Variants in WWC2 observed in about 807,000 individuals in gnomAD.
WWC2 encodes protein WWC2.
In WWC2, 101 loss-of-function variants were observed where a neutral mutation model predicts 138.5. The ratio of observed to expected loss-of-function variants is 0.73; its 90% CI spans 0.62 to 0.86. The LOEUF is 0.86. Among genes scored for constraint, WWC2 ranks in the 40% least tolerant of loss-of-function variants. The pLI, the probability that WWC2 is intolerant of heterozygous loss-of-function variation, is 0.00. For missense variants in WWC2, 1,420 were observed against 1,419.4 expected (o/e 1.00, Z -0.01); for synonymous variants, 558 against 538.4 (o/e 1.04, Z -0.50).
chr4:183,225,066 CT>C (rs113534799), intron 4 of WWC2, among the ~76,000 whole-genome samples: 11,401 of 151,288 alleles, frequency 0.075, 1,443 homozygotes, highest in African/African-American at 0.26. Flanking sequence ...ATGTTTTTGA[CT>C]TTTTTTTTGC....
At chr4:183,151,233 A>G (rs1733627768) in intron 1 of WWC2, among the ~76,000 whole-genome samples, 1 of 152,190 alleles carries the variant, frequency 6.6e-6, no homozygotes, top group South Asian at 2.1e-4. Context: ...TCGCTGTTCT[A>G]ACTGGTGTGA....
intron 1 of WWC2, among the ~76,000 whole-genome samples, chr4:183,132,644 G>A (rs937152877): frequency 2.6e-5 from 4 of 151,918 alleles, no homozygotes; most frequent in African/African-American, 4.8e-5. Context: ...TAGTAGAGAC[G>A]GGGTTTCACC....
chr4:183,130,438 C>T (rs971740263), intron 1 of WWC2, among the ~76,000 whole-genome samples: 2 of 152,138 alleles, frequency 1.3e-5, no homozygotes, highest in African/African-American at 4.8e-5. Context: ...ATCTTCATGG[C>T]AGAGTAGTTA....
intron 15 of WWC2, among the ~76,000 whole-genome samples, chr4:183,270,715 G>GATCACA (rs1408444557): frequency 1.3e-5 from 2 of 152,142 alleles, no homozygotes; most frequent in African/African-American, 4.8e-5. Flanking sequence ...AGTGAGCTGA[G>GATCACA]ATCACACCAC....
chr4:183,141,133 G>A (rs1305672563), intron 1 of WWC2, among the ~76,000 whole-genome samples: 1 of 152,196 alleles, frequency 6.6e-6, no homozygotes, highest in African/African-American at 2.4e-5. Context: ...GTCAGCTCAG[G>A]CTGCCATAAC....
chr4:183,108,386 C>G (rs958986778), intron 1 of WWC2, among the ~76,000 whole-genome samples: 1 of 152,016 alleles, frequency 6.6e-6, no homozygotes, highest in African/African-American at 2.4e-5. Context: ...AAAACACCTA[C>G]TGGATCCCAG....
chr4:183,110,433 T>G (rs1250049766), intron 1 of WWC2, among the ~76,000 whole-genome samples: 2 of 50,434 alleles, frequency 4.0e-5, no homozygotes, highest in Non-Finnish European at 1.1e-4. Context: ...TGTAGAGCTA[T>G]TTTTTTTTTT....
rs149843013 is a variant in WWC2 at position 183,174,045 on chromosome 4, T to C, written c.132-19554T>C. Among the ~76,000 whole-genome samples, 395 of 152,312 alleles carry C rather than the reference T, an allele frequency of 2.6e-3. 1 individual carries two copies. Among genetic ancestry groups the C allele is most frequent in the Non-Finnish European group, 4.5e-3 (304 of 68,008 alleles). On this transcript the variant is annotated intron_variant, in intron 1 of 22. Coordinates refer to ENST00000403733, the MANE Select transcript of WWC2 (RefSeq NM_024949.6). ...TTTCCCAGGAAAAACCCTCCAATTCTTCGGCCTGACAAATGTAAGCCCAAC... is the reference window on the plus strand; with the variant it reads ...TTTCCCAGGAAAAACCCTCCAATTCCTCGGCCTGACAAATGTAAGCCCAAC...
At chr4:183,105,061 C>G (rs1475591734) in intron 1 of WWC2, among the ~76,000 whole-genome samples, 1 of 152,130 alleles carries the variant, frequency 6.6e-6, no homozygotes, top group East Asian at 1.9e-4. Context: ...TGCACGCCAC[C>G]CTGTACCCGG....
chr4:183,204,241 G>T (rs930824554), intron 2 of WWC2, among the ~76,000 whole-genome samples: 1 of 152,244 alleles, frequency 6.6e-6, no homozygotes, highest in South Asian at 2.1e-4. Flanking sequence ...GTGAGTTAGC[G>T]AAGTGCTCTA....
intron 1 of WWC2, among the ~76,000 whole-genome samples, chr4:183,133,622 G>A (rs377172439): frequency 2.2e-4 from 33 of 152,018 alleles, no homozygotes; most frequent in African/African-American, 7.7e-4. Context: ...TCAGCCTCCC[G>A]AGTAACTAGG....
chr4:183,121,283 T>C (rs1033678723), intron 1 of WWC2, among the ~76,000 whole-genome samples: 61 of 152,012 alleles, frequency 4.0e-4, no homozygotes, highest in African/African-American at 1.4e-3. Context: ...ATTGTTGTGC[T>C]AATAGAGTTT....
At chr4:183,168,813 T>C (rs373250877) in intron 1 of WWC2, among the ~76,000 whole-genome samples, 1 of 152,350 alleles carries the variant, frequency 6.6e-6, no homozygotes, top group African/African-American at 2.4e-5. Flanking sequence ...TAAAAAACTC[T>C]TTAAATATGA....
chr4:183,215,541 T>A (rs1735730594), intron 4 of WWC2, among the ~76,000 whole-genome samples: 1 of 152,208 alleles, frequency 6.6e-6, no homozygotes, highest in Non-Finnish European at 1.5e-5. Flanking sequence ...CTTGAAATAA[T>A]TAAAATGTAT....
In WWC2 at chr4:183,193,582, A is replaced by G. The variant is rs1735048731; in HGVS notation, c.132-17A>G. On this transcript the variant is annotated splice_polypyrimidine_tract_variant and intron_variant, in intron 1 of 22. Transcript: ENST00000403733. ...GACGGAAAGAATCACTGGTGTGTCA[A>G]TTCTGGTTTGTTGTAGGTTAACGAA... 1.2e-6 allele frequency: 2 copies of G among 1,612,088 alleles called. No homozygotes were observed. The highest frequency in any genetic ancestry group is 1.1e-5 in the South Asian group (1 of 90,790).
intron 4 of WWC2, among the ~76,000 whole-genome samples, chr4:183,233,062 T>G (rs1580086244): frequency 6.6e-6 from 1 of 152,190 alleles, no homozygotes; most frequent in East Asian, 1.9e-4. Context: ...TGGACATAGG[T>G]TTCTATTTCT....
intron 5 of WWC2, among the ~76,000 whole-genome samples, chr4:183,242,103 G>T (rs6810712): frequency 0.031 from 4,649 of 152,202 alleles, 223 homozygotes; most frequent in African/African-American, 0.11. Context: ...AGAAAGATAT[G>T]ATATCTAACA....
chr4:183,307,695 C>T (rs1440993226), intron 21 of WWC2, among the ~76,000 whole-genome samples: 2 of 152,140 alleles, frequency 1.3e-5, no homozygotes, highest in African/African-American at 4.8e-5. Flanking sequence ...AAATAACTCC[C>T]AGCAAACTAG....
intron 21 of WWC2, among the ~76,000 whole-genome samples, chr4:183,295,311 C>T (rs1342942336): frequency 6.6e-6 from 1 of 152,226 alleles, no homozygotes; most frequent in African/African-American, 2.4e-5. Context: ...ATTCAAGCTG[C>T]TCATCTTGTT....
Sources: gnomAD v4.1 joint callset for allele counts (sites outside exome capture counted in the v4.1 genomes callset) on GRCh38, gnomAD v4.1.1 for gene constraint, MANE v1.5 for transcripts, NCBI Gene and HGNC (gene_info 2026-07-23, HGNC 2026-07-21) for gene names.